The following BORCS5 variants were observed in gnomAD, a reference collection of about 807,000 sequenced individuals.
BORCS5 encodes BLOC-1-related complex subunit 5.
BORCS5 carries 17 observed loss-of-function variants against 22.1 expected under a neutral mutation model. That is an observed-to-expected ratio of 0.77 (90% CI 0.53 to 1.15). The LOEUF (loss-of-function observed/expected upper bound fraction) is 1.15. Among genes scored for constraint, BORCS5 ranks in the 50% most tolerant of loss-of-function variants. The pLI, the probability that BORCS5 is intolerant of heterozygous loss-of-function variation, is 0.00. For synonymous variants in BORCS5, 117 were observed against 99.8 expected (o/e 1.17, Z -1.03); for missense variants, 247 against 253.2 (o/e 0.98, Z 0.17).
chr12:12,448,267 G>A (rs998918546), intron 3 of BORCS5, among the ~76,000 whole-genome samples: 12 of 152,080 alleles, frequency 7.9e-5, no homozygotes, highest in African/African-American at 2.9e-4. Context: ...CCAGGCTGGA[G>A]TGCAGTGGTG....
chr12:12,425,611 T>C (rs1368947751), intron 2 of BORCS5, among the ~76,000 whole-genome samples: 1 of 152,262 alleles, frequency 6.6e-6, no homozygotes, highest in African/African-American at 2.4e-5. Flanking sequence ...GCATCCTTCA[T>C]ATGCTTATTG....
chr12:12,448,028 G>T (rs745670879), intron 3 of BORCS5, among the ~76,000 whole-genome samples: 2 of 152,050 alleles, frequency 1.3e-5, no homozygotes, highest in African/African-American at 4.8e-5. Flanking sequence ...TCTAGAATAG[G>T]CATTTTGCAT....
intron 3 of BORCS5, among the ~76,000 whole-genome samples, chr12:12,442,200 A>C (rs1942697709): frequency 6.6e-6 from 1 of 151,050 alleles, no homozygotes; most frequent in Non-Finnish European, 1.5e-5. Flanking sequence ...CTTCTGCCTC[A>C]TTCTAGTTGC....
chr12:12,392,903 C>G (rs1006998190), intron 2 of BORCS5, among the ~76,000 whole-genome samples: 9 of 151,946 alleles, frequency 5.9e-5, no homozygotes, highest in Admixed American at 3.3e-4. Context: ...CTTCTGCAAA[C>G]CAAAACTGTA....
chr12:12,403,435 G>A (rs1332799535), intron 2 of BORCS5, among the ~76,000 whole-genome samples: 1 of 152,190 alleles, frequency 6.6e-6, no homozygotes, highest in Non-Finnish European at 1.5e-5. Flanking sequence ...GCACACCAAG[G>A]ATTTCCTTTC....
At chr12:12,453,903 G>A (rs967953617) in intron 3 of BORCS5, among the ~76,000 whole-genome samples, 2 of 152,114 alleles carry the variant, frequency 1.3e-5, no homozygotes, top group African/African-American at 4.8e-5. Flanking sequence ...TTGCCTGTTG[G>A]GGGTATTTCA....
chr12:12,434,296 A>G (rs1317387641), intron 2 of BORCS5, among the ~76,000 whole-genome samples: 1 of 151,746 alleles, frequency 6.6e-6, no homozygotes, highest in Admixed American at 6.6e-5. Flanking sequence ...AAAAAAAAAA[A>G]AAAAAAAAGC....
Position 12,400,263 on chromosome 12 carries a change from CT to C in BORCS5, c.203-35364del, listed in dbSNP as rs370680149. On this transcript the variant is annotated intron_variant, in intron 2 of 3. Coordinates refer to ENST00000314565, the MANE Select transcript of BORCS5 (RefSeq NM_058169.6). ...CTTGTTTTTATCACAGGCTATTTCT[CT>C]GAGCAGCCAATGTTTCACGCTCTCT... 2.2e-4 allele frequency among the ~76,000 whole-genome samples: 34 copies of C among 152,326 alleles called. No homozygotes were observed. In the East Asian group the frequency reaches 5.4e-3, roughly 24 times the overall value.
intron 2 of BORCS5, among the ~76,000 whole-genome samples, chr12:12,434,476 C>CTTAG (rs1942511515): frequency 6.6e-6 from 1 of 152,118 alleles, no homozygotes; most frequent in African/African-American, 2.4e-5. Flanking sequence ...TGTAATAATA[C>CTTAG]TTAGACATTA....
chr12:12,438,039 A>AT (rs928203394), intron 3 of BORCS5, among the ~76,000 whole-genome samples: 5 of 152,088 alleles, frequency 3.3e-5, no homozygotes, highest in Middle Eastern at 3.2e-3. Context: ...AGACTCTACC[A>AT]TTTTTTACAG....
At chr12:12,448,505 G>A (rs538230985) in intron 3 of BORCS5, among the ~76,000 whole-genome samples, 4 of 151,096 alleles carry the variant, frequency 2.6e-5, no homozygotes, top group Admixed American at 1.3e-4. Context: ...GTGAGTCACC[G>A]TGCCTGACCT....
intron 2 of BORCS5, among the ~76,000 whole-genome samples, chr12:12,384,811 G>T (rs1863847064): frequency 6.6e-6 from 1 of 151,292 alleles, no homozygotes; most frequent in African/African-American, 2.4e-5. Context: ...GCTGCAGTCA[G>T]TTGGTGGCTG....
intron 2 of BORCS5, among the ~76,000 whole-genome samples, chr12:12,425,261 T>G (rs1942253439): frequency 2.6e-5 from 4 of 152,224 alleles, no homozygotes; most frequent in Admixed American, 6.5e-5. Flanking sequence ...GGCCTTCCTC[T>G]GGATGTTGCA....
intron 1 of BORCS5, among the ~76,000 whole-genome samples, chr12:12,360,482 C>G (rs1307332764): frequency 6.6e-6 from 1 of 151,878 alleles, no homozygotes; most frequent in Non-Finnish European, 1.5e-5. Flanking sequence ...GTCTTGACCT[C>G]CTGGGCTCAA....
rs140360351 is a variant in BORCS5, at chr12:12,442,168, C to G, written c.360+6383C>G. ...TGCAGCACAGACTTTTGGAGCTTCT[C>G]TTGTCACTTCCCTGGGTCTTACTTC... On this transcript the variant is annotated intron_variant, in intron 3 of 3. Transcript: ENST00000314565. 1.6e-3 allele frequency among the ~76,000 whole-genome samples: 235 copies of G among 151,202 alleles called. 4 individuals are homozygous for G. Among genetic ancestry groups the G allele is most frequent in the Admixed American group, 4.6e-3 (70 of 15,262 alleles).
At chr12:12,385,582 TCAC>T (rs1863862316) in intron 2 of BORCS5, among the ~76,000 whole-genome samples, 1 of 150,718 alleles carries the variant, frequency 6.6e-6, no homozygotes, top group South Asian at 2.1e-4. Context: ...CAATCTCGGC[TCAC>T]TGCAACCTCC....
In BORCS5 at chr12:12,362,953, C is replaced by T. The variant is rs1046291666; in HGVS notation, c.202+1604C>T. 5.3e-5 allele frequency among the ~76,000 whole-genome samples: 8 copies of T among 151,742 alleles called. 1 individual carries two copies. Among genetic ancestry groups the T allele is most frequent in the African/African-American group, 1.9e-4 (8 of 41,286 alleles). ...GGCGTGAGGCACCTTGCATGGCCTA[C>T]TCATCTTCTTAGTTTTCATGATTTT... is the stretch of plus-strand genomic sequence containing the variant. On this transcript the variant is annotated intron_variant, in intron 2 of 3. Transcript: ENST00000314565.
At chr12:12,463,715 A>G (rs7486371) in intron 3 of BORCS5, among the ~76,000 whole-genome samples, 9,988 of 152,256 alleles carry the variant, frequency 0.066, 477 homozygotes, top group East Asian at 0.2. Flanking sequence ...GACATTAAAC[A>G]CGGGCCCCAG....
In BORCS5 at chr12:12,374,042, C is replaced by T. The variant is rs185901153; in HGVS notation, c.202+12693C>T. On this transcript the variant is annotated intron_variant, in intron 2 of 3. Coordinates refer to ENST00000314565, the MANE Select transcript of BORCS5 (RefSeq NM_058169.6). ...TCGCTCTGTCGCCCAGGCTTGAGTG[C>T]AGTGGTGCAATCTCGGCTCACTGCA... Among the ~76,000 whole-genome samples the T allele has an allele frequency of 4.1e-3, 545 of 132,378 alleles. 3 individuals carry two copies. Among genetic ancestry groups the T allele is most frequent in the African/African-American group, 0.014 (471 of 32,590 alleles). The allele number at this position is 132,378 out of a possible 152,430, so 86.8% of individuals were successfully genotyped here.
Sources: allele counts gnomAD v4.1 joint callset (sites outside exome capture counted in the v4.1 genomes callset), GRCh38; gene constraint gnomAD v4.1.1; transcripts MANE v1.5; gene names NCBI Gene and HGNC (gene_info 2026-07-23, HGNC 2026-07-21).